Variants in ZFAND4 observed in about 807,000 individuals in gnomAD.
ZFAND4 encodes AN1-type zinc finger protein 4.
In ZFAND4, 43 loss-of-function variants were observed where a neutral mutation model predicts 64.4. The ratio of observed to expected loss-of-function variants is 0.67; its 90% CI spans 0.52 to 0.86. ZFAND4 has a LOEUF of 0.86. ZFAND4 is among the 40% of genes least tolerant of loss of function. ZFAND4 has a pLI of 0.00. For missense variants in ZFAND4, 929 were observed against 859.8 expected, an observed-to-expected ratio of 1.08 and a Z score of -1.01; for synonymous variants, 296 against 305.7, an observed-to-expected ratio of 0.97 and a Z score of 0.33.
At chr10:45,630,054 G>C (rs1422806744) in intron 6 of ZFAND4, among the ~76,000 whole-genome samples, 1 of 151,626 alleles carries the variant, frequency 6.6e-6, no homozygotes, top group Non-Finnish European at 1.5e-5. Context: ...TAAAATTATA[G>C]AAAATACAAT....
At chr10:45,619,933 C>T (rs2045289828) in intron 8 of ZFAND4, among the ~76,000 whole-genome samples, 1 of 152,058 alleles carries the variant, frequency 6.6e-6, no homozygotes, top group South Asian at 2.1e-4. Flanking sequence ...GGGAGTAATT[C>T]CATTATTTAA....
intron 9 of ZFAND4, 95 bp from the exon 10 acceptor site, chr10:45,616,666 G>A: frequency 7.6e-7 from 1 of 1,320,562 alleles, no homozygotes; most frequent in Non-Finnish European, 1.0e-6. Flanking sequence ...AGTCCAACAG[G>A]GGCCCTTTGG....
rs1589280467 is a variant in ZFAND4, at chr10:45,630,707, C to T, written c.718-3602G>A. The stretch of plus-strand genomic sequence containing the variant: ...CACCACTGCACTCCAGCCTGGGCGA[C>T]ACAGCAAGACTCCATCTCAAAAACA... On this transcript the variant is annotated intron_variant, in intron 6 of 9. Transcript: ENST00000344646. 3.9e-5 allele frequency among the ~76,000 whole-genome samples: 6 copies of T among 152,050 alleles called. 1 individual carries two copies. The highest frequency in any genetic ancestry group is 3.9e-4 in the Admixed American group (6 of 15,270).
chr10:45,629,256 T>A (rs2133596973), intron 6 of ZFAND4, among the ~76,000 whole-genome samples: 1 of 151,902 alleles, frequency 6.6e-6, no homozygotes, highest in Non-Finnish European at 1.5e-5. Flanking sequence ...AGAGATGGGG[T>A]CTCCCTATGT....
intron 6 of ZFAND4, among the ~76,000 whole-genome samples, chr10:45,635,687 G>C (rs1268506236): frequency 6.6e-6 from 1 of 152,034 alleles, no homozygotes; most frequent in Non-Finnish European, 1.5e-5. Context: ...GGAATGAATG[G>C]ATTAAAAAAG....
chr10:45,667,452 T>C (rs2048895558), intron 1 of ZFAND4, among the ~76,000 whole-genome samples: 1 of 139,386 alleles, frequency 7.2e-6, no homozygotes, highest in South Asian at 2.2e-4. Context: ...ATATGCTCTT[T>C]TCTTTCTTTT....
intron 2 of ZFAND4, 88 bp from the exon 3 acceptor site, chr10:45,653,147 T>A: frequency 2.0e-6 from 2 of 977,736 alleles, no homozygotes; most frequent in Non-Finnish European, 3.1e-6. Flanking sequence ...ATTAAGGAAC[T>A]AAGAGCACTA....
rs1240964396 is a variant in ZFAND4, at chr10:45,620,138, C to A, written c.1928-1878G>T. 2.0e-5 allele frequency among the ~76,000 whole-genome samples: 3 copies of A among 151,586 alleles called. No homozygotes were observed. The South Asian group carries it at 6.2e-4, about 31-fold the overall frequency. On this transcript the variant is annotated intron_variant, in intron 8 of 9. Coordinates refer to ENST00000344646, the MANE Select transcript of ZFAND4 (RefSeq NM_174890.4). ...CTGTAGTCACATTTTCATTTTTTTT[C>A]TTTTCTTAGGGGATGCTTAACTTGA...
chr10:45,646,545 T>C (rs753948992), intron 5 of ZFAND4, among the ~76,000 whole-genome samples: 5 of 152,174 alleles, frequency 3.3e-5, no homozygotes, highest in Non-Finnish European at 4.4e-5. Flanking sequence ...CATGATGATA[T>C]TTGGGCTGAG....
chr10:45,651,998 G>A lies in ZFAND4; in HGVS notation c.296C>T (p.Ala99Val), dbSNP rs989025858. Residue 99 changes from alanine (A) to valine (V), a missense_variant, in exon 4 of 10, where the codon GCT becomes GTT. Physicochemically the swap from Ala to Val is moderately conservative, Grantham distance 64. Transcript: ENST00000344646. ...AGTATTTATAGGTCCGCCACGCATA[G>A]CCAAAACTAGCTTCAAGGTACACCC... is the stretch of plus-strand genomic sequence containing the variant. ...SEGCTLKLVL[A>V]MRGGPINTRR... 6.2e-7 allele frequency: 1 copy of A among 1,613,730 alleles called. No individual in the cohort carries two copies. The highest frequency in any genetic ancestry group is 8.5e-7 in the Non-Finnish European group (1 of 1,179,746).
chr10:45,668,929 GC>G (rs2049005188), intron 1 of ZFAND4, among the ~76,000 whole-genome samples: 1 of 152,134 alleles, frequency 6.6e-6, no homozygotes, highest in African/African-American at 2.4e-5. Flanking sequence ...AGCACTAAAT[GC>G]CCACAAGAGA....
chr10:45,630,085 G>T (rs990658435), intron 6 of ZFAND4, among the ~76,000 whole-genome samples: 14 of 151,696 alleles, frequency 9.2e-5, no homozygotes, highest in African/African-American at 2.9e-4. Flanking sequence ...ATAGAAAAAG[G>T]CAGACCAAAT....
intron 4 of ZFAND4, chr10:45,649,083 A>G (rs1007455801): frequency 3.5e-6 from 1 of 289,510 alleles, no homozygotes; most frequent in African/African-American, 2.3e-5. Context: ...CCTGGCCAAC[A>G]TGGTGAAACC....
chr10:45,660,584 A>G (rs147223641), intron 2 of ZFAND4, among the ~76,000 whole-genome samples: 3 of 151,452 alleles, frequency 2.0e-5, no homozygotes, highest in Admixed American at 6.6e-5. Context: ...CAAACACGAT[A>G]ACTACCAAAG....
At chr10:45,634,046 T>C (rs1358958398) in intron 6 of ZFAND4, among the ~76,000 whole-genome samples, 1 of 152,188 alleles carries the variant, frequency 6.6e-6, no homozygotes, top group East Asian at 1.9e-4. Context: ...ATGAGTATGG[T>C]AACTGTATCA....
At chr10:45,639,092 A>G (rs1291802305) in intron 6 of ZFAND4, among the ~76,000 whole-genome samples, 1 of 152,182 alleles carries the variant, frequency 6.6e-6, no homozygotes, top group East Asian at 1.9e-4. Context: ...TTATACATGA[A>G]AAGGAAGGGA....
chr10:45,666,921 C>G (rs1479247529), intron 1 of ZFAND4, among the ~76,000 whole-genome samples: 1 of 152,186 alleles, frequency 6.6e-6, no homozygotes, highest in African/African-American at 2.4e-5. Flanking sequence ...GTTCTGAAAT[C>G]AGGAAGTGTG....
At chr10:45,643,122 G>T (rs1174067724) in intron 5 of ZFAND4, among the ~76,000 whole-genome samples, 11 of 150,360 alleles carry the variant, frequency 7.3e-5, no homozygotes, top group African/African-American at 1.7e-4. Context: ...GTTTCTCCAT[G>T]TTGGTCAGAC....
intron 6 of ZFAND4, among the ~76,000 whole-genome samples, chr10:45,629,511 A>C (rs1051032307): frequency 6.6e-6 from 1 of 152,198 alleles, no homozygotes; most frequent in Non-Finnish European, 1.5e-5. Context: ...GATCCTTCAA[A>C]AACAGTAGTG....
Sources: allele counts gnomAD v4.1 joint callset (sites outside exome capture counted in the v4.1 genomes callset), GRCh38; gene constraint gnomAD v4.1.1; transcripts MANE v1.5; gene names NCBI Gene and HGNC (gene_info 2026-07-23, HGNC 2026-07-21).